ATXN1: variants seen among roughly 807,000 people sequenced by gnomAD.
ATXN1 encodes the protein ataxin-1.
Under a neutral mutation model 56.4 loss-of-function variants are expected in ATXN1, and 8 were observed. The observed-to-expected ratio is 0.14, with a 90% CI of 0.08 to 0.26. The LOEUF (loss-of-function observed/expected upper bound fraction) is 0.26, where lower values mean the gene tolerates loss of function less well. Among genes scored for constraint, ATXN1 ranks in the 10% least tolerant of loss-of-function variants. ATXN1 has a pLI of 1.00. For synonymous variants in ATXN1, 514 were observed against 494.6 expected, an observed-to-expected ratio of 1.04 and a Z score of -0.52; for missense variants, 987 against 1,106.5, an observed-to-expected ratio of 0.89 and a Z score of 1.53.
chr6:16,734,904 A>C (rs1176792317), intron 2 of ATXN1, among the ~76,000 whole-genome samples: 1 of 152,214 alleles, frequency 6.6e-6, no homozygotes, highest in African/African-American at 2.4e-5. Context: ...TGGTAATTTT[A>C]AAATATGGGT....
intron 3 of ATXN1, among the ~76,000 whole-genome samples, chr6:16,588,100 C>T (rs1762660507): frequency 6.6e-6 from 1 of 152,052 alleles, no homozygotes; most frequent in Admixed American, 6.6e-5. Flanking sequence ...ATGGCATCAA[C>T]ATCACTCTGA....
chr6:16,621,318 G>A (rs370599807), intron 3 of ATXN1, among the ~76,000 whole-genome samples: 1 of 152,242 alleles, frequency 6.6e-6, no homozygotes, highest in Admixed American at 6.5e-5. Flanking sequence ...GGCGTTAGCT[G>A]CAAGAGGCTG....
At chr6:16,595,310 A>G (rs1762795279) in intron 3 of ATXN1, among the ~76,000 whole-genome samples, 1 of 152,254 alleles carries the variant, frequency 6.6e-6, no homozygotes, top group Admixed American at 6.5e-5. Context: ...ATAAGGTCAG[A>G]GCCTAAGACT....
intron 2 of ATXN1, among the ~76,000 whole-genome samples, chr6:16,697,197 G>A (rs1428898549): frequency 6.6e-6 from 1 of 152,172 alleles, no homozygotes; most frequent in Non-Finnish European, 1.5e-5. Context: ...TATGAATTGG[G>A]AAAATTCCTT....
chr6:16,647,748 C>T (rs1361379390), intron 3 of ATXN1, among the ~76,000 whole-genome samples: 2 of 152,200 alleles, frequency 1.3e-5, no homozygotes, highest in African/African-American at 4.8e-5. Flanking sequence ...GTGTTGTACA[C>T]AAATTTTGTC....
chr6:16,699,182 T>G (rs1759230678), intron 2 of ATXN1, among the ~76,000 whole-genome samples: 1 of 152,226 alleles, frequency 6.6e-6, no homozygotes, highest in African/African-American at 2.4e-5. Flanking sequence ...ACTTCTCTAT[T>G]ACTCACTATT....
chr6:16,594,004 TAGAG>T (rs1762769957), intron 3 of ATXN1, among the ~76,000 whole-genome samples: 1 of 148,696 alleles, frequency 6.7e-6, no homozygotes, highest in Non-Finnish European at 1.5e-5. Flanking sequence ...TATATGTCTA[TAGAG>T]ATAGAAGCTA....
chr6:16,458,548 G>A (rs185914215), intron 6 of ATXN1, among the ~76,000 whole-genome samples: 11 of 152,192 alleles, frequency 7.2e-5, no homozygotes, highest in African/African-American at 2.2e-4. Context: ...TGGCAACCGC[G>A]GTGTTCTCTA....
Position 16,326,526 on chromosome 6 carries a change from T to C in ATXN1, c.1785A>G (p.Thr595=). 1 of 1,614,222 alleles carries C rather than the reference T, an allele frequency of 6.2e-7. No homozygotes were observed. Among genetic ancestry groups the C allele is most frequent in the Middle Eastern group, 1.6e-4 (1 of 6,062 alleles). ...GELKKVEDLK[T]EDFIQSAEIS... is the part of the protein sequence containing the mutation. ...TCTCTGCACTCTGGATGAAATCTTC[T>C]GTTTTTAAGTCTTCCACCTTCTTTA... Residue 595 remains threonine, a synonymous_variant, in exon 7 of 8, where the codon ACA becomes ACG. Transcript: ENST00000436367. The surrounding 1 kb of genome is among the most constrained non-coding windows in gnomAD (Gnocchi z 6.6).
chr6:16,334,865 G>T (rs568649561), intron 6 of ATXN1, among the ~76,000 whole-genome samples: 1 of 152,190 alleles, frequency 6.6e-6, no homozygotes, highest in Non-Finnish European at 1.5e-5. Flanking sequence ...TGCGCAAGAG[G>T]TCTGGAGGCA....
intron 4 of ATXN1, among the ~76,000 whole-genome samples, chr6:16,566,464 C>T (rs1411538513): frequency 6.6e-6 from 1 of 152,098 alleles, no homozygotes; most frequent in Non-Finnish European, 1.5e-5. Flanking sequence ...TAATCTCAAA[C>T]TCCTGGGCTC....
intron 4 of ATXN1, among the ~76,000 whole-genome samples, chr6:16,526,064 T>TATATATATATATATACACAC (rs370698828): frequency 1.1e-4 from 14 of 133,312 alleles, no homozygotes; most frequent in African/African-American, 2.8e-4. Flanking sequence ...TATATATATA[T>TATATATATATATATACACAC]ACATACATAC....
intron 4 of ATXN1, among the ~76,000 whole-genome samples, chr6:16,526,199 A>G (rs1761391961): frequency 6.6e-6 from 1 of 151,954 alleles, no homozygotes; most frequent in Non-Finnish European, 1.5e-5. Context: ...ACATTTGAGG[A>G]CTGAAAGAGT....
At chr6:16,479,697 T>C (rs1310609282) in intron 6 of ATXN1, among the ~76,000 whole-genome samples, 3 of 152,226 alleles carry the variant, frequency 2.0e-5, no homozygotes, top group Admixed American at 1.3e-4. Flanking sequence ...TTGTGGATTC[T>C]TGAACATTGA....
chr6:16,636,844 C>A lies in ATXN1; in HGVS notation c.-489+20932G>T, dbSNP rs530776022. Among the ~76,000 whole-genome samples the A allele has an allele frequency of 5.3e-5, 8 of 152,244 alleles. No homozygotes were observed. In the South Asian group the frequency reaches 1.0e-3, roughly 20 times the overall value. The stretch of plus-strand genomic sequence containing the variant: ...CGACGGCCTGGGAATAATAAAGGAA[C>A]TCTTTGAAAAAGGAAGAAAGTGGAG... On this transcript the variant is annotated intron_variant, in intron 3 of 7. Transcript: ENST00000436367.
intron 4 of ATXN1, among the ~76,000 whole-genome samples, chr6:16,566,449 T>G (rs1762218473): frequency 6.6e-6 from 1 of 152,008 alleles, no homozygotes; most frequent in South Asian, 2.1e-4. Context: ...CTCATAACAT[T>G]GCTGTAATCT....
intron 5 of ATXN1, among the ~76,000 whole-genome samples, chr6:16,497,284 T>TATAATC (rs1208432539): frequency 1.3e-5 from 2 of 151,224 alleles, no homozygotes; most frequent in East Asian, 3.9e-4. Context: ...GGTCTTTCAG[T>TATAATC]ATAATCATAA....
intron 3 of ATXN1, among the ~76,000 whole-genome samples, chr6:16,637,047 G>T (rs1260637330): frequency 3.9e-5 from 6 of 152,148 alleles, no homozygotes. Context: ...ACATGCGCAC[G>T]TATGTTTATT....
intron 6 of ATXN1, among the ~76,000 whole-genome samples, chr6:16,338,527 A>G (rs1309276807): frequency 1.3e-5 from 2 of 152,220 alleles, no homozygotes; most frequent in East Asian, 3.8e-4. Context: ...GCGATTATAC[A>G]TGTGCCCAAG....
Sources: gnomAD v4.1 joint callset for allele counts (sites outside exome capture counted in the v4.1 genomes callset) on GRCh38, gnomAD v4.1.1 for gene constraint, Gnocchi (gnomAD v3.1) non-coding constraint, MANE v1.5 for transcripts, NCBI Gene and HGNC (gene_info 2026-07-23, HGNC 2026-07-21) for gene names.